The following CDH18 variants were observed in gnomAD, a reference collection of about 807,000 sequenced individuals.
CDH18 encodes cadherin-18.
CDH18 carries 31 observed loss-of-function variants against 67.9 expected under a neutral mutation model. The observed-to-expected ratio is 0.46, with a 90% CI of 0.34 to 0.62. The LOEUF is 0.62. Among genes scored for constraint, CDH18 ranks in the 20% least tolerant of loss-of-function variants. The pLI is 0.01. For missense variants in CDH18, 890 were observed against 975.5 expected (o/e 0.91, Z 1.17); for synonymous variants, 362 against 347.2 (o/e 1.04, Z -0.48).
intron 3 of CDH18, among the ~76,000 whole-genome samples, chr5:19,759,212 A>T (rs574896850): frequency 6.6e-6 from 1 of 152,314 alleles, no homozygotes; most frequent in African/African-American, 2.4e-5. Context: ...ATCCACTCTC[A>T]TTCTCCAAGA....
intron 1 of CDH18, among the ~76,000 whole-genome samples, chr5:20,408,828 T>G (rs1322280162): frequency 1.3e-5 from 2 of 151,708 alleles, no homozygotes; most frequent in Admixed American, 6.6e-5. Flanking sequence ...CAACAATATG[T>G]TTTCTACAAG....
intron 2 of CDH18, among the ~76,000 whole-genome samples, chr5:19,906,617 G>A (rs1790571227): frequency 6.6e-6 from 1 of 151,900 alleles, no homozygotes; most frequent in Non-Finnish European, 1.5e-5. Context: ...AGAGTCTTTT[G>A]TACAAGATGG....
intron 1 of CDH18, among the ~76,000 whole-genome samples, chr5:20,333,246 C>G (rs2150029000): frequency 6.6e-6 from 1 of 152,046 alleles, no homozygotes; most frequent in Middle Eastern, 3.4e-3. Flanking sequence ...TGGTGGCTCA[C>G]ACCTGTAATC....
chr5:20,184,265 G>A (rs1030680960), intron 2 of CDH18, among the ~76,000 whole-genome samples: 3 of 151,974 alleles, frequency 2.0e-5, no homozygotes, highest in Non-Finnish European at 2.9e-5. Flanking sequence ...AATTTGTTAC[G>A]ATTTGATTAT....
chr5:19,500,600 T>C (rs143457609), intron 11 of CDH18, among the ~76,000 whole-genome samples: 2 of 152,290 alleles, frequency 1.3e-5, no homozygotes, highest in East Asian at 1.9e-4. Context: ...TACTCAAAAA[T>C]TGTAAAAATA....
intron 1 of CDH18, among the ~76,000 whole-genome samples, chr5:20,310,202 C>A (rs1200527372): frequency 6.6e-6 from 1 of 152,164 alleles, no homozygotes; most frequent in South Asian, 2.1e-4. Context: ...TCATTTTTCT[C>A]CTTTATTTTC....
intron 2 of CDH18, among the ~76,000 whole-genome samples, chr5:20,052,969 A>T (rs1741565717): frequency 6.6e-6 from 1 of 152,020 alleles, no homozygotes; most frequent in African/African-American, 2.4e-5. Flanking sequence ...ATCCCTGAGC[A>T]GGCAAAGCCA....
At chr5:20,484,247 A>G (rs1753015484) in intron 1 of CDH18, among the ~76,000 whole-genome samples, 2 of 152,026 alleles carry the variant, frequency 1.3e-5, no homozygotes. Context: ...ACCTCAGTTA[A>G]AATGGGTTTT....
At chr5:20,180,741 C>A (rs2126681771) in intron 2 of CDH18, among the ~76,000 whole-genome samples, 1 of 152,184 alleles carries the variant, frequency 6.6e-6, no homozygotes, top group East Asian at 1.9e-4. Context: ...GGCAGTGACC[C>A]CCCTGGACCC....
intron 1 of CDH18, among the ~76,000 whole-genome samples, chr5:20,291,584 C>A (rs2126735402): frequency 6.6e-6 from 1 of 152,174 alleles, no homozygotes; most frequent in Non-Finnish European, 1.5e-5. Flanking sequence ...AGTCACTTGG[C>A]TGTATAGAAA....
intron 2 of CDH18, among the ~76,000 whole-genome samples, chr5:19,964,342 A>G (rs1344264852): frequency 6.6e-6 from 1 of 151,834 alleles, no homozygotes; most frequent in East Asian, 1.9e-4. Context: ...GCATTTTGGA[A>G]GGCCAAGGTG....
chr5:20,143,532 T>C (rs1750408382), intron 2 of CDH18, among the ~76,000 whole-genome samples: 1 of 152,012 alleles, frequency 6.6e-6, no homozygotes, highest in African/African-American at 2.4e-5. Flanking sequence ...TATGCCCAGA[T>C]AATTTTTTCC....
intron 1 of CDH18, among the ~76,000 whole-genome samples, chr5:20,337,991 C>G (rs996664670): frequency 2.6e-5 from 4 of 152,176 alleles, no homozygotes; most frequent in African/African-American, 9.7e-5. Context: ...AGTGCTTGTG[C>G]AGGGAAACTT....
At chr5:19,760,922 T>C (rs1367803174) in intron 3 of CDH18, among the ~76,000 whole-genome samples, 2 of 152,118 alleles carry the variant, frequency 1.3e-5, no homozygotes, top group African/African-American at 4.8e-5. Flanking sequence ...GCAGCATGGG[T>C]TGGGGAGTGG....
chr5:20,469,377 A>G lies in CDH18; in HGVS notation c.-580+106085T>C, dbSNP rs373796970. 2.2e-3 allele frequency among the ~76,000 whole-genome samples: 336 copies of G among 152,300 alleles called. 3 individuals are homozygous for G. Among genetic ancestry groups the G allele is most frequent in the African/African-American group, 7.9e-3 (328 of 41,582 alleles). Reference sequence around the variant, plus strand: ...GAAAGCATTTTTTCTAAAATAAAACATTTAATTAAAGTGAAAAATAGGAAA... The same window carrying G: ...GAAAGCATTTTTTCTAAAATAAAACGTTTAATTAAAGTGAAAAATAGGAAA... On this transcript the variant is annotated intron_variant, in intron 1 of 14. Transcript: ENST00000507958.
chr5:20,512,569 A>C (rs991756680), intron 1 of CDH18, among the ~76,000 whole-genome samples: 49 of 152,094 alleles, frequency 3.2e-4, no homozygotes, highest in Admixed American at 2.6e-4. Flanking sequence ...TTGTAAACTA[A>C]GGAACATACA....
intron 1 of CDH18, among the ~76,000 whole-genome samples, chr5:20,515,169 G>C (rs1313125650): frequency 1.3e-5 from 2 of 151,782 alleles, no homozygotes; most frequent in African/African-American, 4.8e-5. Flanking sequence ...GAACTGAATA[G>C]GAATTTTTTG....
At chr5:20,280,393 G>A (rs1383588402) in intron 1 of CDH18, among the ~76,000 whole-genome samples, 2 of 151,992 alleles carry the variant, frequency 1.3e-5, no homozygotes, top group South Asian at 2.1e-4. Flanking sequence ...GGTGTGTGAT[G>A]TTCCCCTTCC....
intron 2 of CDH18, among the ~76,000 whole-genome samples, chr5:19,839,450 C>T (rs889811774): frequency 1.5e-4 from 23 of 152,094 alleles, no homozygotes; most frequent in Admixed American, 6.6e-4. Context: ...TTCTCAATGA[C>T]AAATATATGT....
Sources: allele counts gnomAD v4.1 joint callset (sites outside exome capture counted in the v4.1 genomes callset), GRCh38; gene constraint gnomAD v4.1.1; transcripts MANE v1.5; gene names NCBI Gene and HGNC (gene_info 2026-07-23, HGNC 2026-07-21).